The following SBSN variants were observed in gnomAD, a reference collection of about 807,000 sequenced individuals.
The protein encoded by SBSN is suprabasin.
A neutral mutation model predicts 42.8 loss-of-function variants in SBSN; 33 were observed. That is an observed-to-expected ratio of 0.77 (90% confidence interval 0.58 to 1.03). SBSN has a LOEUF of 1.03. SBSN is among the 50% of genes least tolerant of loss of function. The probability of loss-of-function intolerance (pLI) is 0.00; values close to 1 mark genes in which losing one functional copy is unlikely to be tolerated. For missense variants in SBSN, 646 were observed against 757.3 expected, an observed-to-expected ratio of 0.85 and a Z score of 1.72; for synonymous variants, 276 against 307.0, an observed-to-expected ratio of 0.90 and a Z score of 1.06.
intron 3 of SBSN, 94 bp downstream of exon 3, chr19:35,524,616 GC>G: frequency 1.5e-6 from 2 of 1,372,358 alleles, no homozygotes; most frequent in East Asian, 2.3e-5. Flanking sequence ...AGGTCTGCCC[GC>G]CCGGGGAGCT....
rs201362966 is a variant in SBSN, at chr19:35,527,840, C to T, written c.442G>A (p.Glu148Lys). Residue 148 changes from glutamate to lysine, a missense_variant, in exon 1 of 4, where the codon GAG (glutamate) becomes AAG (lysine). Glu to Lys is a moderately conservative substitution (Grantham distance 56). Transcript: ENST00000452271. Reference protein sequence around the residue: ...VHHGANQAGSEAGKFGQGVDN... With the variant: ...VHHGANQAGSKAGKFGQGVDN... ...ACTCCCTGGCCAAACTTCCCTGCCT[C>T]ACTTCCCGCCTGGTTGGCCCCGTGA... 1.2e-3 allele frequency: 1,982 copies of T among 1,614,072 alleles called. 6 individuals carry two copies. Among genetic ancestry groups the T allele is most frequent in the Non-Finnish European group, 1.3e-3 (1,511 of 1,180,006 alleles).
Position 35,527,876 on chromosome 19 carries a change from G to A in SBSN, c.406C>T (p.His136Tyr). ...VGKEADKLIH[H>Y]GVHHGANQAG... is the part of the protein sequence containing the mutation. ...TGGTTGGCCCCGTGATGGACCCCAT[G>A]ATGGATCAGTTTGTCTGCCTCCTTC... Residue 136 changes from histidine to tyrosine, a missense_variant, in exon 1 of 4, where the codon CAT becomes TAT. By Grantham distance (83) the His-to-Tyr change is moderately conservative. Coordinates refer to ENST00000452271, the MANE Select transcript of SBSN (RefSeq NM_001166034.2). 6.2e-7 allele frequency: 1 copy of A among 1,613,850 alleles called. No individual in the cohort carries two copies. The highest frequency in any genetic ancestry group is 8.5e-7 in the Non-Finnish European group (1 of 1,179,976).
Position 35,527,672 on chromosome 19 carries a change from CAG to C in SBSN, c.608_609del (p.Ala203GlyfsTer13). Reference sequence around the variant, plus strand: ...TGGTGGGCCCCCTGGCCAAATCTCCCAGCCTCATTTCCGGCCTGCCCTGCAGC... The same window carrying C: ...TGGTGGGCCCCCTGGCCAAATCTCCCCCTCATTTCCGGCCTGCCCTGCAGC... The part of the protein sequence containing the change: ...HHAAGQAGNE[A>X]GRFGQGAHHG... On this transcript the variant is annotated frameshift_variant, in exon 1 of 4. Transcript: ENST00000452271. LOFTEE classifies it high-confidence loss of function. 1.3e-6 allele frequency: 2 copies of C among 1,514,436 alleles called. No homozygotes were observed. The allele number at this position is 1,514,436 out of a possible 1,614,324, so 93.8% of individuals were successfully genotyped here. A position where few individuals can be genotyped will look rare whatever the true frequency, so the allele number is the denominator to read the frequency against.
Position 35,526,689 on chromosome 19 carries a change from A to T in SBSN, c.1593T>A (p.His531Gln). ...GQAGKELQNA[H>Q]NGVNQASKEA... ...CCTTGCTGGCTTGGTTGACCCCATT[A>T]TGAGCATTCTGCAGCTCCTTCCCGG... The change falls in exon 1 of 4, where the codon CAT becomes CAA. Residue 531 changes from histidine to glutamine, a missense_variant. Transcript: ENST00000452271. 1 of 1,600,624 alleles carries T rather than the reference A, an allele frequency of 6.2e-7. No homozygotes were observed. Among genetic ancestry groups the T allele is most frequent in the Non-Finnish European group, 8.5e-7 (1 of 1,176,952 alleles).
rs1460377123 is a variant in SBSN at position 35,526,911 on chromosome 19, C to T, written c.1371G>A (p.Gln457=). ...GVHEAGKEAG[Q]FGQGVHHTLE... ...GGGTATGGTGAACTCCCTGGCCAAACTGCCCTGCCTCCTTCCCGGCCTCGT... is the reference window on the plus strand; with the variant it reads ...GGGTATGGTGAACTCCCTGGCCAAATTGCCCTGCCTCCTTCCCGGCCTCGT... The change falls in exon 1 of 4, where the codon CAG becomes CAA. Residue 457 remains glutamine, a synonymous_variant. Transcript: ENST00000452271. The T allele has an allele frequency of 5.6e-6, 9 of 1,608,208 alleles. No individual in the cohort carries two copies. Among genetic ancestry groups the T allele is most frequent in the Non-Finnish European group, 7.6e-6 (9 of 1,177,322 alleles).
intron 1 of SBSN, among the ~76,000 whole-genome samples, chr19:35,525,382 A>C (rs989605907): frequency 6.6e-6 from 1 of 151,906 alleles, no homozygotes; most frequent in African/African-American, 2.4e-5. Flanking sequence ...GCCAGCCCCA[A>C]ATCCTACAGT....
In SBSN at chr19:35,527,937, A is replaced by T; in HGVS notation, c.345T>A (p.Leu115=). ...IGQAGKEAEK[L]GHGVNNAAGQ... is the part of the protein sequence containing the mutation. ...CAGCAGCGTTGTTGACCCCATGGCC[A>T]AGCTTCTCTGCTTCCTTTCCTGCTT... The change falls in exon 1 of 4, where the codon CTT becomes CTA. Residue 115 remains leucine, a synonymous_variant. Coordinates refer to ENST00000452271, the MANE Select transcript of SBSN (RefSeq NM_001166034.2). 1 of 1,614,034 alleles carries T rather than the reference A, an allele frequency of 6.2e-7. No individual in the cohort carries two copies. The highest frequency in any genetic ancestry group is 8.5e-7 in the Non-Finnish European group (1 of 1,180,026).
rs2071395450 is a variant in SBSN, at chr19:35,527,613, C to T, written c.669G>A (p.Lys223=). 1 of 1,533,618 alleles carries T rather than the reference C, an allele frequency of 6.5e-7. No individual in the cohort carries two copies. The highest frequency in any genetic ancestry group is 8.7e-7 in the Non-Finnish European group (1 of 1,148,144). ...CAGCATGGTGGATCCCCTGGCCAAA[C>T]TTCTCTGTCTCCTTCCAGCCCTCAC... ...GLSEGWKETE[K]FGQGIHHAAG... Residue 223 remains lysine, a synonymous_variant, in exon 1 of 4, where the codon AAG becomes AAA. Transcript: ENST00000452271.
chr19:35,524,642 C>T lies in SBSN; in HGVS notation c.1749+69G>A, dbSNP rs534189140. ...CCCGGGGAGCTGTCCAAACAGACAC[C>T]GGGAAGGGGTCGGGGTGAGCGTATC... On this transcript the variant is annotated intron_variant, in intron 3 of 3. Coordinates refer to ENST00000452271, the MANE Select transcript of SBSN (RefSeq NM_001166034.2). 63 of 1,561,266 alleles carry T rather than the reference C, an allele frequency of 4.0e-5. No individual in the cohort carries two copies. The Middle Eastern group carries it at 5.0e-4, about 12-fold the overall frequency.
intron 1 of SBSN, among the ~76,000 whole-genome samples, 168 bp from the exon 2 acceptor site, chr19:35,525,092 C>T (rs2071355315): frequency 6.6e-6 from 1 of 152,178 alleles, no homozygotes; most frequent in African/African-American, 2.4e-5. Context: ...AGCCCGTGCT[C>T]GCGTGGGCAT....
At chr19:35,526,598 T>TTCC in intron 1 of SBSN, 46 bp downstream of exon 1, 5 of 284,148 alleles carry the variant, frequency 1.8e-5, no homozygotes, top group South Asian at 3.4e-5. Context: ...AACCTTTCCC[T>TTCC]CCCCCAACCC....
rs1319288232 is a variant in SBSN, at chr19:35,524,782, T to A, written c.1705-27A>T. ...TGCAATTCAAGGACAAGAAGGTCAG[T>A]CTCCAGCGTCTGACCCACAGCCATG... On this transcript the variant is annotated intron_variant, in intron 2 of 3. Coordinates refer to ENST00000452271, the MANE Select transcript of SBSN (RefSeq NM_001166034.2). 6.8e-6 allele frequency: 11 copies of A among 1,613,658 alleles called. No individual in the cohort carries two copies. The South Asian group carries it at 1.2e-4, about 18-fold the overall frequency.
At position 35,527,210 on chromosome 19, in the gene SBSN, C is replaced by A. The variant is rs780323149; in HGVS notation, c.1072G>T (p.Ala358Ser). ...EKFGQGVHHA[A>S]SQFGKETEKL... is the part of the protein sequence containing the mutation. ...TCTGTTTCCTTCCCAAACTGACTGG[C>A]AGCATGGTGGACCCCCTGGCCAAAC... The change falls in exon 1 of 4, where the codon GCC (alanine) becomes TCC (serine). Residue 358 changes from alanine (A) to serine (S), a missense_variant. Around this residue, in one of 3 missense-constraint regions of SBSN, gnomAD observed 220 missense variants for 334.5 expected, o/e 0.66. Coordinates refer to ENST00000452271, the MANE Select transcript of SBSN (RefSeq NM_001166034.2). The A allele has an allele frequency of 3.9e-6, 6 of 1,536,192 alleles. No individual in the cohort carries two copies. The highest frequency in any genetic ancestry group is 5.2e-6 in the Non-Finnish European group (6 of 1,146,496).
rs1389116426 is a variant in SBSN at position 35,526,840 on chromosome 19, T to C, written c.1442A>G (p.His481Arg). The C allele has an allele frequency of 6.2e-6, 10 of 1,613,794 alleles. No individual in the cohort carries two copies. The highest frequency in any genetic ancestry group is 8.5e-6 in the Non-Finnish European group (10 of 1,179,924). The change falls in exon 1 of 4, where the codon CAC becomes CGC. Residue 481 changes from histidine (H) to arginine (R), a missense_variant. Physicochemically the swap from His to Arg is conservative, Grantham distance 29 (BLOSUM62 0). Transcript: ENST00000452271. ...KEADKAVQGF[H>R]TGVHQAGKEA... ...CTTCCCAGCCTGGTGGACCCCAGTG[T>C]GGAACCCTTGGACCGCTTTGTCTGC...
Position 35,528,149 on chromosome 19 carries a change from T to G in SBSN, c.133A>C (p.Arg45=). 1 of 1,613,996 alleles carries G rather than the reference T, an allele frequency of 6.2e-7. No individual in the cohort carries two copies. Among genetic ancestry groups the G allele is most frequent in the Non-Finnish European group, 8.5e-7 (1 of 1,180,006 alleles). ...GINRGLSNAE[R]EVGKALDGIN... The stretch of plus-strand genomic sequence containing the variant: ...CCATCCAGGGCCTTGCCCACCTCTC[T>G]CTCTGCATTGCTCAGCCCTCGGTTG... Residue 45 remains arginine, a synonymous_variant, in exon 1 of 4, where the codon AGA becomes CGA. Transcript: ENST00000452271.
In SBSN at chr19:35,528,121, A is replaced by G; in HGVS notation, c.161T>C (p.Ile54Thr). ...TCCGGCATGCGTGATTCCACTGTTG[A>G]TGCCATCCAGGGCCTTGCCCACCTC... ...EREVGKALDG[I>T]NSGITHAGRE... is the part of the protein sequence containing the mutation. Residue 54 changes from isoleucine (I) to threonine (T), a missense_variant, in exon 1 of 4, where the codon ATC (isoleucine) becomes ACC (threonine). Physicochemically the swap from Ile to Thr is moderately conservative, Grantham distance 89. Around this residue, in one of 3 missense-constraint regions of SBSN, gnomAD observed 190 missense variants for 197.1 expected, o/e 0.96. Transcript: ENST00000452271. 1 of 1,613,898 alleles carries G rather than the reference A, an allele frequency of 6.2e-7. No homozygotes were observed. The highest frequency in any genetic ancestry group is 1.1e-5 in the South Asian group (1 of 91,074).
chr19:35,526,243 T>G (rs961641367), intron 1 of SBSN, among the ~76,000 whole-genome samples: 3 of 152,194 alleles, frequency 2.0e-5, no homozygotes, highest in African/African-American at 7.2e-5. Flanking sequence ...CTATTCCTCA[T>G]GCTCACTCTC....
At chr19:35,525,374 C>T (rs1430146783) in intron 1 of SBSN, among the ~76,000 whole-genome samples, 1 of 152,140 alleles carries the variant, frequency 6.6e-6, no homozygotes, top group Non-Finnish European at 1.5e-5. Flanking sequence ...CTGCTGTTGC[C>T]AGCCCCAAAT....
intron 1 of SBSN, among the ~76,000 whole-genome samples, chr19:35,525,276 C>G (rs2071357511): frequency 6.6e-6 from 1 of 152,206 alleles, no homozygotes; most frequent in South Asian, 2.1e-4. Flanking sequence ...TATGCCCTGT[C>G]TAGCTGCATC....
Sources: allele counts gnomAD v4.1 joint callset (sites outside exome capture counted in the v4.1 genomes callset), GRCh38; gene constraint gnomAD v4.1.1; regional missense constraint gnomAD v4.1.1; transcripts MANE v1.5; gene names NCBI Gene and HGNC (gene_info 2026-07-23, HGNC 2026-07-21).